The following THSD4 variants were observed in gnomAD, a reference collection of about 807,000 sequenced individuals.
The protein encoded by THSD4 is thrombospondin type 1 domain containing 4, also known as thrombospondin type-1 domain-containing protein 4.
THSD4 carries 69 observed loss-of-function variants against 119.0 expected under a neutral mutation model. The observed-to-expected ratio is 0.58, with a 90% CI of 0.48 to 0.71. The LOEUF (loss-of-function observed/expected upper bound fraction) is 0.71, where lower values mean the gene tolerates loss of function less well. THSD4 is among the 30% of genes least tolerant of loss of function. THSD4 has a pLI of 0.00. For missense variants in THSD4, 1,393 were observed against 1,391.1 expected, an observed-to-expected ratio of 1.00 and a Z score of -0.02; for synonymous variants, 524 against 540.4, an observed-to-expected ratio of 0.97 and a Z score of 0.42.
In THSD4 at chr15:71,380,325, A is replaced by G. The variant is rs147389270; in HGVS notation, c.1016-31362A>G. ...ATCATAAAAGGACTTATTTGGTCTC[A>G]GTACAGAACTCATAACTCTTATTTG... On this transcript the variant is annotated intron_variant, in intron 6 of 17. Coordinates refer to ENST00000261862, the MANE Select transcript of THSD4 (RefSeq NM_024817.3). 3.8e-4 allele frequency among the ~76,000 whole-genome samples: 58 copies of G among 152,228 alleles called. No individual in the cohort carries two copies. In the East Asian group the frequency reaches 8.7e-3, roughly 23 times the overall value.
chr15:71,134,826 A>G (rs2040534450), intron 1 of THSD4, among the ~76,000 whole-genome samples: 1 of 152,162 alleles, frequency 6.6e-6, no homozygotes, highest in Non-Finnish European at 1.5e-5. Flanking sequence ...TAAGGGATCT[A>G]GAACTAGAAA....
At chr15:71,679,642 A>G (rs2051732299) in intron 8 of THSD4, among the ~76,000 whole-genome samples, 1 of 152,252 alleles carries the variant, frequency 6.6e-6, no homozygotes, top group Non-Finnish European at 1.5e-5. Context: ...CTTATGAAAT[A>G]AGTGAGGGTG....
chr15:71,670,724 C>T (rs1567092562), intron 8 of THSD4, among the ~76,000 whole-genome samples: 2 of 151,686 alleles, frequency 1.3e-5, no homozygotes, highest in South Asian at 4.2e-4. Context: ...CATTTCCCCC[C>T]TATGAGTGAG....
At chr15:71,526,152 G>A (rs780665130) in intron 7 of THSD4, among the ~76,000 whole-genome samples, 6 of 152,130 alleles carry the variant, frequency 3.9e-5, no homozygotes, top group Non-Finnish European at 8.8e-5. Flanking sequence ...TACTTGAACC[G>A]AGTTTCATTT....
At chr15:71,478,026 A>T (rs1396233517) in intron 7 of THSD4, among the ~76,000 whole-genome samples, 1 of 152,218 alleles carries the variant, frequency 6.6e-6, no homozygotes, top group African/African-American at 2.4e-5. Context: ...AGACCTGTGC[A>T]ACTGCTTGCT....
chr15:71,513,254 G>A (rs916035780), intron 7 of THSD4, among the ~76,000 whole-genome samples: 9 of 152,142 alleles, frequency 5.9e-5, no homozygotes, highest in East Asian at 1.9e-4. Flanking sequence ...TGTACATAGC[G>A]GGATTGTTAC....
chr15:71,518,922 C>G (rs1320761617), intron 7 of THSD4, among the ~76,000 whole-genome samples: 1 of 152,038 alleles, frequency 6.6e-6, no homozygotes. Context: ...AGCATATGCC[C>G]TGGAGAGGAA....
chr15:71,557,165 TAA>T (rs2049032538), intron 7 of THSD4, among the ~76,000 whole-genome samples: 1 of 152,162 alleles, frequency 6.6e-6, no homozygotes, highest in Non-Finnish European at 1.5e-5. Context: ...CCCAGTGTAC[TAA>T]GAGATTTATT....
chr15:71,555,135 C>A (rs1203936414), intron 7 of THSD4, among the ~76,000 whole-genome samples: 1 of 152,190 alleles, frequency 6.6e-6, no homozygotes, highest in African/African-American at 2.4e-5. Flanking sequence ...GATCCCAGCA[C>A]TTTGAGAGGT....
intron 7 of THSD4, among the ~76,000 whole-genome samples, chr15:71,497,379 G>T (rs2048036477): frequency 6.6e-6 from 1 of 152,184 alleles, no homozygotes; most frequent in South Asian, 2.1e-4. Context: ...TGGGTGTGAT[G>T]GTGTGTGCCT....
At chr15:71,366,830 G>A (rs2045971467) in intron 6 of THSD4, among the ~76,000 whole-genome samples, 1 of 152,136 alleles carries the variant, frequency 6.6e-6, no homozygotes, top group African/African-American at 2.4e-5. Flanking sequence ...ATTAGACCCA[G>A]TACCCTGTGT....
intron 6 of THSD4, among the ~76,000 whole-genome samples, chr15:71,402,508 G>A (rs188949646): frequency 9.9e-5 from 15 of 152,270 alleles, no homozygotes; most frequent in Admixed American, 9.8e-4. Context: ...GATGTGGGAG[G>A]CAGGATTGGA....
At chr15:71,360,925 T>A (rs1410026382) in intron 6 of THSD4, among the ~76,000 whole-genome samples, 1 of 152,204 alleles carries the variant, frequency 6.6e-6, no homozygotes, top group Non-Finnish European at 1.5e-5. Flanking sequence ...TATGATCCCA[T>A]TGAAGCATAG....
chr15:71,404,606 T>A (rs2046580136), intron 6 of THSD4, among the ~76,000 whole-genome samples: 1 of 152,206 alleles, frequency 6.6e-6, no homozygotes, highest in Non-Finnish European at 1.5e-5. Flanking sequence ...CAATATGATA[T>A]CATTAAGAGG....
intron 7 of THSD4, among the ~76,000 whole-genome samples, chr15:71,511,177 G>A (rs183814616): frequency 6.6e-6 from 1 of 152,150 alleles, no homozygotes; most frequent in Non-Finnish European, 1.5e-5. Flanking sequence ...AAAGAGGAAG[G>A]GGGAAGAGAG....
At chr15:71,592,264 G>C (rs2049821524) in intron 7 of THSD4, among the ~76,000 whole-genome samples, 1 of 152,236 alleles carries the variant, frequency 6.6e-6, no homozygotes, top group African/African-American at 2.4e-5. Flanking sequence ...CAGTTGTTGA[G>C]GTGAATGCCC....
chr15:71,107,180 C>A (rs566323142), intron 1 of THSD4, among the ~76,000 whole-genome samples: 1 of 152,300 alleles, frequency 6.6e-6, no homozygotes, highest in East Asian at 1.9e-4. Context: ...CTTCATGAAA[C>A]CGTTATCCAG....
chr15:71,125,364 G>A (rs761038280), intron 1 of THSD4, among the ~76,000 whole-genome samples: 15 of 152,098 alleles, frequency 9.9e-5, no homozygotes, highest in Non-Finnish European at 1.8e-4. Context: ...CAGTGAATGT[G>A]GAATAAACTT....
chr15:71,690,590 A>C (rs1423753720), intron 8 of THSD4, among the ~76,000 whole-genome samples: 6 of 152,192 alleles, frequency 3.9e-5, no homozygotes, highest in Non-Finnish European at 7.3e-5. Flanking sequence ...GTATTAGTCC[A>C]TTTCACACTG....
Sources: allele counts gnomAD v4.1 joint callset (sites outside exome capture counted in the v4.1 genomes callset), GRCh38; gene constraint gnomAD v4.1.1; transcripts MANE v1.5; gene names NCBI Gene and HGNC (gene_info 2026-07-23, HGNC 2026-07-21).